Variants in SYT1 observed in about 807,000 individuals in gnomAD.
SYT1 encodes the protein synaptotagmin-1.
Under a neutral mutation model 44.8 loss-of-function variants are expected in SYT1, and 8 were observed. The ratio of observed to expected loss-of-function variants is 0.18; its 90% CI spans 0.10 to 0.32. SYT1 has a LOEUF of 0.32. SYT1 is among the 10% of genes least tolerant of loss of function. The pLI, the probability that SYT1 is intolerant of heterozygous loss-of-function variation, is 1.00. For synonymous variants in SYT1, 154 were observed against 188.8 expected (o/e 0.82, Z 1.51); for missense variants, 286 against 509.3 (o/e 0.56, Z 4.22).
At chr12:79,179,157 TATATAG>T (rs1225188436) in intron 3 of SYT1, among the ~76,000 whole-genome samples, 4 of 83,016 alleles carry the variant, frequency 4.8e-5, no homozygotes, top group South Asian at 4.9e-4. Context: ...GATATATAGA[TATATAG>T]ATATAGATAT....
chr12:79,014,122 C>CAAA (rs1358787041), intron 2 of SYT1, among the ~76,000 whole-genome samples: 19 of 39,682 alleles, frequency 4.8e-4, no homozygotes, highest in African/African-American at 7.7e-4. Flanking sequence ...AGACTCTCTC[C>CAAA]AAAAAAAAAA....
chr12:79,375,519 T>C (rs1171047618), intron 9 of SYT1, among the ~76,000 whole-genome samples: 1 of 152,198 alleles, frequency 6.6e-6, no homozygotes, highest in East Asian at 1.9e-4. Flanking sequence ...GTAACATTAA[T>C]TCCAGCTCAG....
At chr12:78,924,821 A>C (rs1426228711) in intron 1 of SYT1, among the ~76,000 whole-genome samples, 2 of 151,090 alleles carry the variant, frequency 1.3e-5, no homozygotes, top group African/African-American at 4.9e-5. Flanking sequence ...ATGATTTTCT[A>C]CTTTCCCTCA....
In SYT1 at chr12:79,179,518, TCTATATAGATATAGATATAGATATAG is replaced by T. The variant is rs1266431797; in HGVS notation, c.-17-37984_-17-37959del. On this transcript the variant is annotated intron_variant, in intron 3 of 10. Coordinates refer to ENST00000261205, the MANE Select transcript of SYT1 (RefSeq NM_005639.3). ...CTATATAGATATAGATATAGATATA[TCTATATAGATATAGATATAGATATAG>T]AGATATAGATATAGATTTAGATATA... 7.0e-3 allele frequency among the ~76,000 whole-genome samples: 479 copies of T among 68,348 alleles called. 5 individuals carry two copies. Among genetic ancestry groups the T allele is most frequent in the African/African-American group, 0.017 (211 of 12,634 alleles). 44.8% of individuals were successfully genotyped at this position (68,348 alleles called of 152,430 possible). A position where few individuals can be genotyped will look rare whatever the true frequency, so the allele number is the denominator to read the frequency against.
intron 3 of SYT1, among the ~76,000 whole-genome samples, chr12:79,116,435 C>T (rs979563244): frequency 4.6e-5 from 7 of 152,138 alleles, no homozygotes; most frequent in Non-Finnish European, 7.4e-5. Context: ...ATTTCCTGCA[C>T]GTGTTGGTGA....
At chr12:79,158,706 T>C (rs1331401792) in intron 3 of SYT1, among the ~76,000 whole-genome samples, 1 of 152,094 alleles carries the variant, frequency 6.6e-6, no homozygotes, top group Non-Finnish European at 1.5e-5. Flanking sequence ...AAGACCAGCC[T>C]GGGCAACATG....
At chr12:79,093,887 G>C (rs1441679092) in intron 3 of SYT1, among the ~76,000 whole-genome samples, 34 of 151,410 alleles carry the variant, frequency 2.2e-4, no homozygotes, top group Non-Finnish European at 7.4e-5. Context: ...GAAAATCTAG[G>C]AAGTAAACAA....
chr12:79,097,619 T>G (rs1453660404), intron 3 of SYT1, among the ~76,000 whole-genome samples: 2 of 151,944 alleles, frequency 1.3e-5, no homozygotes, highest in African/African-American at 4.8e-5. Flanking sequence ...ACCAACACGC[T>G]CACAAACTAA....
At chr12:78,979,193 T>C (rs767947873) in intron 2 of SYT1, among the ~76,000 whole-genome samples, 1 of 152,198 alleles carries the variant, frequency 6.6e-6, no homozygotes, top group African/African-American at 2.4e-5. Context: ...CTAATTTACA[T>C]TGGATATTTT....
intron 2 of SYT1, among the ~76,000 whole-genome samples, chr12:79,021,343 T>C (rs1565766871): frequency 6.6e-6 from 1 of 151,920 alleles, no homozygotes; most frequent in African/African-American, 2.4e-5. Context: ...TTTCTTTTAG[T>C]AAATTTTTCC....
At chr12:78,886,113 C>G (rs530002915) in intron 1 of SYT1, among the ~76,000 whole-genome samples, 2 of 151,994 alleles carry the variant, frequency 1.3e-5, no homozygotes, top group African/African-American at 2.4e-5. Context: ...ACTTTGCCAG[C>G]TAATTTATTA....
chr12:79,208,449 T>C (rs1874251477), intron 3 of SYT1, among the ~76,000 whole-genome samples: 1 of 151,908 alleles, frequency 6.6e-6, no homozygotes, highest in Non-Finnish European at 1.5e-5. Context: ...TGTTCTCCCA[T>C]TAGGGAAAAA....
intron 4 of SYT1, among the ~76,000 whole-genome samples, chr12:79,262,154 G>C (rs145445933): frequency 2.0e-5 from 3 of 152,254 alleles, no homozygotes; most frequent in African/African-American, 7.2e-5. Flanking sequence ...GTTGTATATT[G>C]ATTATAATTC....
intron 4 of SYT1, among the ~76,000 whole-genome samples, chr12:79,246,565 C>T (rs575192715): frequency 3.6e-4 from 55 of 152,294 alleles, no homozygotes; most frequent in African/African-American, 1.3e-3. Flanking sequence ...CTGGTCCTTG[C>T]TTCTAAGATG....
intron 2 of SYT1, among the ~76,000 whole-genome samples, chr12:79,026,169 A>C (rs1030773609): frequency 2.0e-5 from 3 of 151,710 alleles, no homozygotes; most frequent in Admixed American, 6.6e-5. Context: ...CTAAGTTAAC[A>C]GATTGCTTAC....
At chr12:79,282,398 A>G (rs1481272331) in intron 4 of SYT1, among the ~76,000 whole-genome samples, 1 of 152,172 alleles carries the variant, frequency 6.6e-6, no homozygotes, top group Non-Finnish European at 1.5e-5. Flanking sequence ...TTAACTAGAA[A>G]ATGAAAATAA....
At chr12:79,006,717 A>C (rs942633095) in intron 2 of SYT1, among the ~76,000 whole-genome samples, 3 of 152,152 alleles carry the variant, frequency 2.0e-5, no homozygotes, top group African/African-American at 7.2e-5. Context: ...GGAAAGCTTC[A>C]GAGCTTTGCG....
At chr12:79,407,586 G>A (rs920764470) in intron 9 of SYT1, among the ~76,000 whole-genome samples, 2 of 152,076 alleles carry the variant, frequency 1.3e-5, no homozygotes, top group Admixed American at 1.3e-4. Flanking sequence ...CAAATACTAA[G>A]CTCTGAGAAG....
intron 1 of SYT1, among the ~76,000 whole-genome samples, chr12:78,968,438 A>T (rs1380188445): frequency 6.6e-6 from 1 of 152,034 alleles, no homozygotes; most frequent in Non-Finnish European, 1.5e-5. Context: ...AGAGTATTTT[A>T]TGAGCAATGC....
Sources: allele counts gnomAD v4.1 joint callset (sites outside exome capture counted in the v4.1 genomes callset), GRCh38; gene constraint gnomAD v4.1.1; transcripts MANE v1.5; gene names NCBI Gene and HGNC (gene_info 2026-07-23, HGNC 2026-07-21).